The following PRKDC variants were observed in gnomAD, a reference collection of about 807,000 sequenced individuals.
The protein encoded by PRKDC is protein kinase, DNA-activated, catalytic subunit.
PRKDC carries 82 observed loss-of-function variants against 486.9 expected under a neutral mutation model. The observed-to-expected ratio is 0.17, with a 90% CI of 0.14 to 0.20. The LOEUF (loss-of-function observed/expected upper bound fraction) is 0.20, where lower values mean the gene tolerates loss of function less well. Ranked by LOEUF, PRKDC falls within the 10% of genes least tolerant of loss-of-function variation. The probability of loss-of-function intolerance (pLI) is 1.00; values close to 1 mark genes in which losing one functional copy is unlikely to be tolerated. For synonymous variants in PRKDC, 1,895 were observed against 1,837.0 expected (o/e 1.03, Z -0.81); for missense variants, 4,504 against 5,038.2 (o/e 0.89, Z 3.21).
chr8:47,889,861 A>G (rs1410886342), intron 32 of PRKDC, among the ~76,000 whole-genome samples: 1 of 152,184 alleles, frequency 6.6e-6, no homozygotes, highest in African/African-American at 2.4e-5. Context: ...TTGCTAAGAA[A>G]ATAGATTGAA....
chr8:47,858,254 G>A lies in PRKDC; in HGVS notation c.6465+262C>T, dbSNP rs188343999. ...GGCAGCCGTAAGAAAGCAGCTACATGTACTTTATACAAAGACCACTTCTAA... is the reference window on the plus strand; with the variant it reads ...GGCAGCCGTAAGAAAGCAGCTACATATACTTTATACAAAGACCACTTCTAA... On this transcript the variant is annotated intron_variant, in intron 48 of 85. Transcript: ENST00000314191. 1.4e-4 allele frequency among the ~76,000 whole-genome samples: 21 copies of A among 149,396 alleles called. No homozygotes were observed. The East Asian group carries it at 4.3e-3, about 30-fold the overall frequency.
intron 7 of PRKDC, 98 bp downstream of exon 7, chr8:47,953,522 A>G: frequency 1.7e-6 from 2 of 1,166,708 alleles, no homozygotes; most frequent in Non-Finnish European, 2.5e-6. Context: ...TACTGTATGT[A>G]AATTCAGGAT....
At chr8:47,830,532 C>T in intron 61 of PRKDC, 73 bp downstream of exon 61, 2 of 1,567,664 alleles carry the variant, frequency 1.3e-6, no homozygotes, top group South Asian at 1.2e-5. Flanking sequence ...GCCATGTTTC[C>T]TCACATAGGC....
rs1377943778 is a variant in PRKDC, at chr8:47,857,302, A to T, written c.6466-3T>A. The T allele has an allele frequency of 1.2e-6, 2 of 1,602,396 alleles. No homozygotes were observed. The highest frequency in any genetic ancestry group is 1.7e-6 in the Non-Finnish European group (2 of 1,175,876). ...TGCTTCGCGTAAGGGCGAAAGACCT[A>T]CAAGAGGATGTAAAAGTCAAACATC... On this transcript the variant is annotated splice_region_variant and splice_polypyrimidine_tract_variant and intron_variant, in intron 48 of 85. Transcript: ENST00000314191.
intron 77 of PRKDC, among the ~76,000 whole-genome samples, chr8:47,784,703 CTT>C (rs80180226): frequency 6.9e-6 from 1 of 144,116 alleles, no homozygotes. Flanking sequence ...TAACTTGTCA[CTT>C]TTTTTTTTTT....
intron 61 of PRKDC, among the ~76,000 whole-genome samples, chr8:47,829,394 T>C (rs575149481): frequency 1.1e-4 from 16 of 152,206 alleles, no homozygotes; most frequent in Non-Finnish European, 2.4e-4. Context: ...AAAGCAATGG[T>C]TTACACTTAA....
Position 47,794,338 on chromosome 8 carries a change from G to T in PRKDC, c.10622C>A (p.Ser3541Tyr). 6.2e-7 allele frequency: 1 copy of T among 1,613,602 alleles called. No individual in the cohort carries two copies. Among genetic ancestry groups the T allele is most frequent in the South Asian group, 1.1e-5 (1 of 90,994 alleles). ...ATGACCAGTAGAAGTATCCTTGAAG[G>T]AATAGCTTTCGCTGCTTATGATGAA... ...YPFIISSESY[S>Y]FKDTSTGHKN... The change falls in exon 74 of 86, where the codon TCC becomes TAC. Residue 3541 changes from serine (S) to tyrosine (Y), a missense_variant. Around this residue, in one of 6 missense-constraint regions of PRKDC, gnomAD observed 706 missense variants for 945.0 expected, o/e 0.75. Coordinates refer to ENST00000314191, the MANE Select transcript of PRKDC (RefSeq NM_006904.7).
chr8:47,777,645 A>G (rs2086628607), intron 84 of PRKDC, 41 bp downstream of exon 84: 2 of 1,523,876 alleles, frequency 1.3e-6, no homozygotes, highest in Non-Finnish European at 1.8e-6. Context: ...TCACGGGGAC[A>G]CTGTCACAAA....
chr8:47,836,389 G>T lies in PRKDC; in HGVS notation c.7900C>A (p.Gln2634Lys), dbSNP rs766614376. 2 of 1,609,426 alleles carry T rather than the reference G, an allele frequency of 1.2e-6. No individual in the cohort carries two copies. Among genetic ancestry groups the T allele is most frequent in the South Asian group, 2.2e-5 (2 of 90,576 alleles). Residue 2634 changes from glutamine to lysine, a missense_variant, in exon 58 of 86, where the codon CAG becomes AAG. By Grantham distance (53) the Gln-to-Lys change is moderately conservative. Around this residue, in one of 6 missense-constraint regions of PRKDC, gnomAD observed 1,592 missense variants for 1,724.6 expected, o/e 0.92. Transcript: ENST00000314191. ...SLSARWPVAG[Q>K]IRATQQQHDF... ...TGCTGCTGCTGGGTGGCCCTTATCT[G>T]CCCTGCCACTGGCCAGCGAGCTGAG...
At chr8:47,924,113 G>C (rs2090118417) in intron 21 of PRKDC, among the ~76,000 whole-genome samples, 1 of 152,116 alleles carries the variant, frequency 6.6e-6, no homozygotes, top group Non-Finnish European at 1.5e-5. Context: ...TGATGCTCAA[G>C]TCATCACTAC....
rs563464158 is a variant in PRKDC, at chr8:47,795,894, A to AT, written c.10459-1394dup. Reference sequence around the variant, plus strand: ...AAATTGTAATAAACATTGGTATGGAATTTTTTTTTTTTTTTATGAGACAAG... The same window carrying AT: ...AAATTGTAATAAACATTGGTATGGAATTTTTTTTTTTTTTTTATGAGACAAG... On this transcript the variant is annotated intron_variant, in intron 73 of 85. Transcript: ENST00000314191. Among the ~76,000 whole-genome samples, 378 of 139,624 alleles carry AT rather than the reference A, an allele frequency of 2.7e-3. 2 individuals carry two copies. The highest frequency in any genetic ancestry group is 0.017 in the Middle Eastern group (4 of 240). 91.6% of individuals were successfully genotyped at this position (139,624 alleles called of 152,430 possible). A position where few individuals can be genotyped will look rare whatever the true frequency, so the allele number is the denominator to read the frequency against.
At position 47,929,178 on chromosome 8, in the gene PRKDC, C is replaced by A; in HGVS notation, c.2053G>T (p.Gly685Ter). 1 of 1,560,448 alleles carries A rather than the reference C, an allele frequency of 6.4e-7. No individual in the cohort carries two copies. The highest frequency in any genetic ancestry group is 8.7e-7 in the Non-Finnish European group (1 of 1,147,900). The change falls in exon 19 of 86, where the codon GGA becomes TGA. Residue 685 changes from glycine to a stop codon, truncating the protein, a stop_gained and splice_region_variant. Coordinates refer to ENST00000314191, the MANE Select transcript of PRKDC (RefSeq NM_006904.7). LOFTEE classifies it high-confidence loss of function. Reference protein sequence around the residue: ...RNAKKIKYFEGVSPKSLKHSP... With the variant: ...RNAKKIKYFE ...TGTTTCAGACTCTTTGGACTAACTC[C>A]CTGTCAAATAAAACAGCAAGTTAGT...
intron 66 of PRKDC, among the ~76,000 whole-genome samples, 177 bp downstream of exon 66, chr8:47,820,542 C>A (rs865878427): frequency 6.6e-6 from 1 of 151,656 alleles, no homozygotes; most frequent in African/African-American, 2.4e-5. Flanking sequence ...ATTGGAAGAA[C>A]AGAAAGAAGG....
chr8:47,826,208 A>G (rs536868176), intron 63 of PRKDC, among the ~76,000 whole-genome samples: 2 of 152,372 alleles, frequency 1.3e-5, no homozygotes, highest in East Asian at 3.9e-4. Context: ...GGAAAATGGT[A>G]TAACTAGAAA....
At chr8:47,776,241 A>G (rs1426513372) in intron 85 of PRKDC, among the ~76,000 whole-genome samples, 1 of 152,182 alleles carries the variant, frequency 6.6e-6, no homozygotes, top group Non-Finnish European at 1.5e-5. Context: ...TGCCAGCGCT[A>G]TTTGTTGGAA....
At chr8:47,789,731 A>C (rs921612284) in intron 74 of PRKDC, among the ~76,000 whole-genome samples, 2 of 152,234 alleles carry the variant, frequency 1.3e-5, no homozygotes, top group African/African-American at 4.8e-5. Flanking sequence ...GACCTATTCT[A>C]GAGATGCAAG....
rs8178107 is a variant in PRKDC at position 47,881,719 on chromosome 8, T to C, written c.4962+193A>G. On this transcript the variant is annotated intron_variant, in intron 37 of 85. Transcript: ENST00000314191. ...CATGCAAAGGTACTTTAAAAAGATA[T>C]AGCATAAGAAATAGTAAGTCTAATA... Among the ~76,000 whole-genome samples, 737 of 152,348 alleles carry C rather than the reference T, an allele frequency of 4.8e-3. 16 individuals are homozygous for C. Among genetic ancestry groups the C allele is most frequent in the Admixed American group, 0.035 (531 of 15,300 alleles).
In PRKDC at chr8:47,912,450, G is replaced by A. The variant is rs762681954; in HGVS notation, c.2894C>T (p.Thr965Met). Reference sequence around the variant, plus strand: ...CGCAAGTCGAAGCAGCACAGGAAACGTCCGCTTATAGAGCTGGTACATGGG... The same window carrying A: ...CGCAAGTCGAAGCAGCACAGGAAACATCCGCTTATAGAGCTGGTACATGGG... Reference protein sequence around the residue: ...APPMYQLYKRTFPVLLRLACD... With the variant: ...APPMYQLYKRMFPVLLRLACD... Residue 965 changes from threonine (T) to methionine (M), a missense_variant, in exon 25 of 86, where the codon ACG becomes ATG. This residue lies in a region of PRKDC where 1,969 missense variants were observed against 2,068.9 expected (regional missense o/e 0.95). Transcript: ENST00000314191. 8.7e-6 allele frequency: 14 copies of A among 1,608,194 alleles called. No individual in the cohort carries two copies. The highest frequency in any genetic ancestry group is 8.0e-5 in the African/African-American group (6 of 74,682).
chr8:47,791,706 A>G (rs546804256), intron 74 of PRKDC, among the ~76,000 whole-genome samples: 1 of 152,258 alleles, frequency 6.6e-6, no homozygotes, highest in South Asian at 2.1e-4. Context: ...AGCAATAACG[A>G]ATGCTGGTAA....
Sources: gnomAD v4.1 joint callset for allele counts (sites outside exome capture counted in the v4.1 genomes callset) on GRCh38, gnomAD v4.1.1 for gene constraint, gnomAD v4.1.1 regional missense constraint, MANE v1.5 for transcripts, NCBI Gene and HGNC (gene_info 2026-07-23, HGNC 2026-07-21) for gene names.